The following AKAP13 variants were observed in gnomAD, a reference collection of about 807,000 sequenced individuals.
AKAP13 encodes the protein A-kinase anchoring protein 13.
A neutral mutation model predicts 264.5 loss-of-function variants in AKAP13; 80 were observed. That is an observed-to-expected ratio of 0.30 (90% confidence interval 0.25 to 0.36). AKAP13 has a LOEUF of 0.36. AKAP13 is among the 10% of genes least tolerant of loss of function. The pLI, the probability that AKAP13 is intolerant of heterozygous loss-of-function variation, is 1.00. For missense variants in AKAP13, 3,712 were observed against 3,435.2 expected, an observed-to-expected ratio of 1.08 and a Z score of -2.01; for synonymous variants, 1,380 against 1,250.2, an observed-to-expected ratio of 1.10 and a Z score of -2.19.
chr15:85,651,164 A>G (rs573050725), intron 10 of AKAP13, among the ~76,000 whole-genome samples: 1 of 152,342 alleles, frequency 6.6e-6, no homozygotes, highest in East Asian at 1.9e-4. Flanking sequence ...CCATACCTGT[A>G]TAATGTAACT....
intron 10 of AKAP13, among the ~76,000 whole-genome samples, chr15:85,653,102 C>G (rs931474329): frequency 1.3e-5 from 2 of 152,124 alleles, no homozygotes; most frequent in Admixed American, 1.3e-4. Flanking sequence ...GAATAGGACC[C>G]CTTTAGGAAA....
At chr15:85,627,431 C>G (rs1162713568) in intron 8 of AKAP13, 1 of 152,262 alleles carries the variant, frequency 6.6e-6, no homozygotes, top group Admixed American at 6.5e-5. Flanking sequence ...TACCTCTAGA[C>G]TAGACTAGTT....
At chr15:85,487,834 G>A (rs1238234996) in intron 2 of AKAP13, among the ~76,000 whole-genome samples, 1 of 150,210 alleles carries the variant, frequency 6.7e-6, no homozygotes, top group Admixed American at 6.6e-5. Flanking sequence ...TGGGATCAAG[G>A]GATCATCCCA....
At chr15:85,407,530 G>A (rs1464416224) in intron 1 of AKAP13, among the ~76,000 whole-genome samples, 1 of 151,618 alleles carries the variant, frequency 6.6e-6, no homozygotes, top group Non-Finnish European at 1.5e-5. Context: ...ATGAGCCATC[G>A]TGCCCGGCCT....
chr15:85,579,588 G>C lies in AKAP13; in HGVS notation c.1520G>C (p.Arg507Thr), dbSNP rs763663018. The C allele has an allele frequency of 1.2e-5, 19 of 1,614,106 alleles. No individual in the cohort carries two copies. The highest frequency in any genetic ancestry group is 1.5e-5 in the Non-Finnish European group (18 of 1,180,054). ...VLQGGESTKE[R>T]FENSNIGTAG... is the part of the protein sequence containing the mutation. ...CAGGGAGGGGAAAGTACAAAGGAAA[G>C]ATTTGAGAACTCTAATATTGGCACA... The change falls in exon 7 of 37, where the codon AGA becomes ACA. Residue 507 changes from arginine to threonine, a missense_variant. Coordinates refer to ENST00000394518, the MANE Select transcript of AKAP13 (RefSeq NM_007200.5).
intron 2 of AKAP13, among the ~76,000 whole-genome samples, chr15:85,516,872 G>T (rs1467190903): frequency 6.6e-6 from 1 of 152,242 alleles, no homozygotes; most frequent in Admixed American, 6.5e-5. Flanking sequence ...AATTTCTGCT[G>T]TCTGGATACA....
chr15:85,708,402 C>T lies in AKAP13; in HGVS notation c.5532+316C>T, dbSNP rs1262128773. 6.6e-6 allele frequency among the ~76,000 whole-genome samples: 1 copy of T among 152,142 alleles called. No individual in the cohort carries two copies. On this transcript the variant is annotated intron_variant, in intron 18 of 36. Transcript: ENST00000394518. This position sits in a 1 kb window ranked among gnomAD's most constrained non-coding sequence, Gnocchi z 4.3. ...TTTTCTTCTTAACTACGTCTGCAGG[C>T]CTACCCTGCTGTTCATACACCTGTC...
chr15:85,556,533 C>G (rs1003159596), intron 5 of AKAP13, among the ~76,000 whole-genome samples: 1 of 152,102 alleles, frequency 6.6e-6, no homozygotes, highest in African/African-American at 2.4e-5. Flanking sequence ...TTTTTGCCTT[C>G]CTCCCCCTAG....
intron 1 of AKAP13, among the ~76,000 whole-genome samples, chr15:85,399,428 G>A (rs1247692926): frequency 1.4e-5 from 2 of 144,506 alleles, no homozygotes; most frequent in African/African-American, 2.6e-5. Flanking sequence ...CCCGGGAAGC[G>A]GAGCTTGCAG....
intron 7 of AKAP13, 57 bp from the exon 8 acceptor site, chr15:85,585,645 G>A: frequency 1.9e-6 from 3 of 1,609,210 alleles, no homozygotes; most frequent in Non-Finnish European, 2.6e-6. Context: ...TGTATGAATA[G>A]TAAGGCACAG....
intron 5 of AKAP13, among the ~76,000 whole-genome samples, chr15:85,552,207 T>C (rs1019407022): frequency 1.3e-5 from 2 of 152,232 alleles, no homozygotes; most frequent in African/African-American, 2.4e-5. Context: ...GAGAACAGTT[T>C]CTCAGCATTA....
intron 17 of AKAP13, among the ~76,000 whole-genome samples, chr15:85,699,298 G>C (rs2085762206): frequency 6.6e-6 from 1 of 151,986 alleles, no homozygotes; most frequent in African/African-American, 2.4e-5. Flanking sequence ...CAAAAAATTA[G>C]CTGGGCGTGG....
chr15:85,664,664 T>G lies in AKAP13; in HGVS notation c.4901T>G (p.Phe1634Cys). Residue 1634 changes from phenylalanine (F) to cysteine (C), a missense_variant, in exon 13 of 37, where the codon TTC becomes TGC. Phe to Cys is a radical substitution (Grantham distance 205). Coordinates refer to ENST00000394518, the MANE Select transcript of AKAP13 (RefSeq NM_007200.5). ...AATGCCGAAGAGCTCAGACACCCATTCAGTGGTGAGGAACGGGTTGACTCT... is the reference window on the plus strand; with the variant it reads ...AATGCCGAAGAGCTCAGACACCCATGCAGTGGTGAGGAACGGGTTGACTCT... ...SANAEELRHP[F>C]SGEERVDSLV... The G allele has an allele frequency of 6.2e-7, 1 of 1,614,112 alleles. No homozygotes were observed. The highest frequency in any genetic ancestry group is 8.5e-7 in the Non-Finnish European group (1 of 1,179,984).
chr15:85,425,234 A>G (rs2072717285), intron 1 of AKAP13, among the ~76,000 whole-genome samples: 1 of 152,244 alleles, frequency 6.6e-6, no homozygotes, highest in Non-Finnish European at 1.5e-5. Flanking sequence ...AAATGCATTA[A>G]AATGAGATAT....
chr15:85,482,479 A>G (rs759473396), intron 1 of AKAP13, among the ~76,000 whole-genome samples: 1 of 152,178 alleles, frequency 6.6e-6, no homozygotes, highest in Non-Finnish European at 1.5e-5. Context: ...GGCACATTGT[A>G]GGTGCACAAT....
intron 8 of AKAP13, among the ~76,000 whole-genome samples, chr15:85,629,782 T>TTG (rs2081611578): frequency 8.1e-6 from 1 of 123,288 alleles, no homozygotes; most frequent in Admixed American, 8.3e-5. Flanking sequence ...TTTTTTTTTT[T>TTG]TTTTTTTTTT....
chr15:85,706,352 G>A (rs1311638792), intron 17 of AKAP13, among the ~76,000 whole-genome samples: 3 of 152,180 alleles, frequency 2.0e-5, no homozygotes, highest in Non-Finnish European at 4.4e-5. Flanking sequence ...AAATAAAGCC[G>A]TTTGCCTCGA....
chr15:85,677,004 G>C, intron 14 of AKAP13: 2 of 985,460 alleles, frequency 2.0e-6, no homozygotes, highest in South Asian at 4.7e-5. Context: ...CAGCAAGGCG[G>C]ATCTCCATCA....
chr15:85,741,865 C>A (rs543499081), intron 35 of AKAP13, among the ~76,000 whole-genome samples: 1 of 152,012 alleles, frequency 6.6e-6, no homozygotes, highest in Non-Finnish European at 1.5e-5. Flanking sequence ...GTCAACATGG[C>A]GAAACGGCGT....
Sources: gnomAD v4.1 joint callset for allele counts (sites outside exome capture counted in the v4.1 genomes callset) on GRCh38, gnomAD v4.1.1 for gene constraint, Gnocchi (gnomAD v3.1) non-coding constraint, MANE v1.5 for transcripts, NCBI Gene and HGNC (gene_info 2026-07-23, HGNC 2026-07-21) for gene names.